The following CAMKMT variants were observed in gnomAD, a reference collection of about 807,000 sequenced individuals.
CAMKMT encodes the protein calmodulin-lysine N-methyltransferase.
CAMKMT carries 53 observed loss-of-function variants against 48.0 expected under a neutral mutation model. The ratio of observed to expected loss-of-function variants is 1.10; its 90% CI spans 0.89 to 1.39. CAMKMT has a LOEUF of 1.39. CAMKMT is among the 40% of genes most tolerant of loss of function. The probability of loss-of-function intolerance (pLI) is 0.00; values close to 1 mark genes in which losing one functional copy is unlikely to be tolerated. For missense variants in CAMKMT, 428 were observed against 402.7 expected (o/e 1.06, Z -0.54); for synonymous variants, 165 against 152.3 (o/e 1.08, Z -0.61).
At chr2:44,479,530 C>T (rs1201728461) in intron 3 of CAMKMT, among the ~76,000 whole-genome samples, 1 of 152,156 alleles carries the variant, frequency 6.6e-6, no homozygotes, top group Non-Finnish European at 1.5e-5. Flanking sequence ...AGTGAGGCCA[C>T]CTGCTGTTAA....
chr2:44,385,702 G>T (rs372824356), intron 2 of CAMKMT, among the ~76,000 whole-genome samples: 1 of 152,124 alleles, frequency 6.6e-6, no homozygotes, highest in African/African-American at 2.4e-5. Context: ...GGATTTTGTC[G>T]AATGCTTTTT....
chr2:44,557,255 A>G (rs186429575), intron 3 of CAMKMT, among the ~76,000 whole-genome samples: 2 of 152,084 alleles, frequency 1.3e-5, no homozygotes, highest in East Asian at 3.9e-4. Flanking sequence ...GAGCTGAAAG[A>G]TAAACCTTTG....
At chr2:44,491,932 A>G (rs1039581550) in intron 3 of CAMKMT, among the ~76,000 whole-genome samples, 2 of 152,346 alleles carry the variant, frequency 1.3e-5, no homozygotes, top group Admixed American at 1.3e-4. Flanking sequence ...AAGTAATTAG[A>G]TTTAGTTCTA....
intron 3 of CAMKMT, among the ~76,000 whole-genome samples, chr2:44,661,813 C>G (rs916344667): frequency 6.6e-6 from 1 of 152,122 alleles, no homozygotes; most frequent in African/African-American, 2.4e-5. Context: ...GTAGACACAA[C>G]CCAACTAAAT....
At chr2:44,647,634 A>T (rs1016467738) in intron 3 of CAMKMT, among the ~76,000 whole-genome samples, 7 of 152,044 alleles carry the variant, frequency 4.6e-5, no homozygotes, top group African/African-American at 1.7e-4. Context: ...GGCCGGGCAC[A>T]GTGGCTCACA....
At chr2:44,766,622 G>A (rs1397899015) in intron 10 of CAMKMT, 61 bp downstream of exon 10, 1 of 1,579,310 alleles carries the variant, frequency 6.3e-7, no homozygotes, top group Non-Finnish European at 8.6e-7. Context: ...AAGAGATCAT[G>A]GTCTTTTTGG....
chr2:44,455,693 T>C (rs1344454362), intron 3 of CAMKMT, among the ~76,000 whole-genome samples: 1 of 152,208 alleles, frequency 6.6e-6, no homozygotes, highest in African/African-American at 2.4e-5. Flanking sequence ...TGCCATTGTT[T>C]CTTTATTTGC....
chr2:44,725,275 G>C (rs1215753826), intron 7 of CAMKMT, among the ~76,000 whole-genome samples: 1 of 151,510 alleles, frequency 6.6e-6, no homozygotes, highest in Non-Finnish European at 1.5e-5. Flanking sequence ...AAAGTTTTTT[G>C]CCTAAAATAT....
intron 3 of CAMKMT, among the ~76,000 whole-genome samples, chr2:44,655,646 A>G (rs1674338369): frequency 6.6e-6 from 1 of 152,188 alleles, no homozygotes; most frequent in African/African-American, 2.4e-5. Flanking sequence ...AGGCCACTCT[A>G]GAAAAGCATT....
At chr2:44,610,292 T>C in intron 3 of CAMKMT, among the ~76,000 whole-genome samples, 1 of 152,194 alleles carries the variant, frequency 6.6e-6, no homozygotes, top group East Asian at 1.9e-4. Flanking sequence ...TTAAAAGAGT[T>C]AAATAAAAAT....
intron 3 of CAMKMT, among the ~76,000 whole-genome samples, chr2:44,526,558 G>T (rs538654722): frequency 2.7e-4 from 41 of 152,300 alleles, no homozygotes; most frequent in African/African-American, 9.4e-4. Context: ...CCTGGTCTGA[G>T]TCCGAAGGTC....
At chr2:44,431,696 G>A (rs926355633) in intron 3 of CAMKMT, among the ~76,000 whole-genome samples, 3 of 152,082 alleles carry the variant, frequency 2.0e-5, no homozygotes, top group African/African-American at 7.2e-5. Flanking sequence ...TTTTTTTCTA[G>A]GCTCCTCTCA....
intron 3 of CAMKMT, among the ~76,000 whole-genome samples, chr2:44,668,360 T>A (rs1675126429): frequency 6.6e-6 from 1 of 152,208 alleles, no homozygotes; most frequent in South Asian, 2.1e-4. Flanking sequence ...ACCCCAGCTC[T>A]CCTCGCCAGC....
chr2:44,390,097 G>A, intron 2 of CAMKMT, 144 bp from the exon 3 acceptor site: 4 of 586,398 alleles, frequency 6.8e-6, no homozygotes, highest in South Asian at 2.3e-5. Flanking sequence ...CCTCTAGTGG[G>A]CAGAAAATAT....
chr2:44,762,065 G>A (rs1680643697), intron 9 of CAMKMT, among the ~76,000 whole-genome samples: 1 of 152,198 alleles, frequency 6.6e-6, no homozygotes, highest in Non-Finnish European at 1.5e-5. Flanking sequence ...TGATGAAAAA[G>A]TAGGCAGAGC....
At chr2:44,513,872 G>A (rs1670696587) in intron 3 of CAMKMT, among the ~76,000 whole-genome samples, 1 of 152,028 alleles carries the variant, frequency 6.6e-6, no homozygotes, top group South Asian at 2.1e-4. Flanking sequence ...AGGCTGAGGT[G>A]GGCAGATCGC....
intron 3 of CAMKMT, among the ~76,000 whole-genome samples, chr2:44,661,795 T>C (rs1433281172): frequency 6.6e-6 from 1 of 152,198 alleles, no homozygotes; most frequent in Non-Finnish European, 1.5e-5. Flanking sequence ...AGGTATTAAG[T>C]AGTCTTAGTA....
chr2:44,708,153 G>C (rs1190103619), intron 6 of CAMKMT, among the ~76,000 whole-genome samples: 2 of 147,980 alleles, frequency 1.4e-5, no homozygotes, highest in African/African-American at 5.0e-5. Context: ...GATTTGTTCA[G>C]GGGCAGTTAA....
rs528889531 is a variant in CAMKMT at position 44,541,323 on chromosome 2, C to G, written c.376+151018C>G. Among the ~76,000 whole-genome samples the G allele has an allele frequency of 2.6e-5, 4 of 152,232 alleles. No individual in the cohort carries two copies. The East Asian group carries it at 7.7e-4, about 29-fold the overall frequency. On this transcript the variant is annotated intron_variant, in intron 3 of 10. Coordinates refer to ENST00000378494, the MANE Select transcript of CAMKMT (RefSeq NM_024766.5). ...TCTTTATGCTGTTGAGTCATTCTGT[C>G]TTATAGTAGGAGATGTCTTTCCATT...
Sources: gnomAD v4.1 joint callset for allele counts (sites outside exome capture counted in the v4.1 genomes callset) on GRCh38, gnomAD v4.1.1 for gene constraint, MANE v1.5 for transcripts, NCBI Gene and HGNC (gene_info 2026-07-23, HGNC 2026-07-21) for gene names.